Variants in ABCC10 observed in about 807,000 individuals in gnomAD.
ABCC10 encodes the protein ATP binding cassette subfamily C member 10.
ABCC10 carries 110 observed loss-of-function variants against 143.2 expected under a neutral mutation model. The ratio of observed to expected loss-of-function variants is 0.77; its 90% CI spans 0.66 to 0.90. The LOEUF (loss-of-function observed/expected upper bound fraction) is 0.90. Among genes scored for constraint, ABCC10 ranks in the 40% least tolerant of loss-of-function variants. ABCC10 has a pLI of 0.00. For missense variants in ABCC10, 1,700 were observed against 1,900.5 expected, an observed-to-expected ratio of 0.89 and a Z score of 1.96; for synonymous variants, 805 against 846.7, an observed-to-expected ratio of 0.95 and a Z score of 0.85.
At chr6:43,439,225 G>A (rs567574720) in intron 8 of ABCC10, among the ~76,000 whole-genome samples, 92 of 152,166 alleles carry the variant, frequency 6.0e-4, no homozygotes, top group African/African-American at 2.2e-3. Context: ...TATAGGAGAA[G>A]AGATTCCAGA....
chr6:43,442,052 C>A, intron 9 of ABCC10, 92 bp downstream of exon 9: 1 of 1,103,642 alleles, frequency 9.1e-7, no homozygotes, highest in Non-Finnish European at 1.3e-6. Flanking sequence ...GGAATATTTT[C>A]CTTAGCATCT....
At chr6:43,431,463 C>T (rs1446238432) in intron 2 of ABCC10, among the ~76,000 whole-genome samples, 1 of 152,282 alleles carries the variant, frequency 6.6e-6, no homozygotes, top group Non-Finnish European at 1.5e-5. Context: ...CAGATTCAAG[C>T]GATTCTCCTG....
At position 43,434,602 on chromosome 6, in the gene ABCC10, C is replaced by T. The variant is rs1221744247; in HGVS notation, c.1381-19C>T. On this transcript the variant is annotated intron_variant, in intron 3 of 21. Coordinates refer to ENST00000372530, the MANE Select transcript of ABCC10 (RefSeq NM_001198934.2). Reference sequence around the variant, plus strand: ...GCAGTGCCTCCACTTCACGCCTCTCCCTTGTCTCCTTTCCCTAGCTTGTGA... The same window carrying T: ...GCAGTGCCTCCACTTCACGCCTCTCTCTTGTCTCCTTTCCCTAGCTTGTGA... The T allele has an allele frequency of 5.0e-6, 8 of 1,607,320 alleles. No homozygotes were observed. In the Admixed American group the frequency reaches 1.0e-4, roughly 20 times the overall value.
Position 43,447,345 on chromosome 6 carries a change from C to T in ABCC10, c.3642C>T (p.Ser1214=), listed in dbSNP as rs867183930. The change falls in exon 17 of 22, where the codon AGC becomes AGT. Residue 1214 remains serine, a synonymous_variant. Transcript: ENST00000372530. The part of the protein sequence containing the change: ...SFTQTEAMLV[S]VERLEEYTCD... Reference sequence around the variant, plus strand: ...CACAGACAGAGGCCATGCTGGTGAGCGTCGAGCGGCTGGAAGAGTACACCT... The same window carrying T: ...CACAGACAGAGGCCATGCTGGTGAGTGTCGAGCGGCTGGAAGAGTACACCT... 3 of 1,613,362 alleles carry T rather than the reference C, an allele frequency of 1.9e-6. No individual in the cohort carries two copies. The highest frequency in any genetic ancestry group is 2.2e-5 in the East Asian group (1 of 44,874).
chr6:43,443,801 T>C lies in ABCC10; in HGVS notation c.2417-132T>C. ...AGGCCTAAGAGTCCTGCTCGAGGTC[T>C]AGGGGTATCCTGCTAGGGTGGGTTA... On this transcript the variant is annotated intron_variant, in intron 10 of 21. Transcript: ENST00000372530. This position sits in a 1 kb window ranked among gnomAD's most constrained non-coding sequence, Gnocchi z 4.2. The C allele has an allele frequency of 1.1e-6, 1 of 913,010 alleles. No homozygotes were observed. The highest frequency in any genetic ancestry group is 1.8e-6 in the Non-Finnish European group (1 of 559,318). 56.6% of individuals were successfully genotyped at this position (913,010 alleles called of 1,614,324 possible).
chr6:43,437,811 AAAGAAAG>A (rs1456739114), intron 6 of ABCC10, 116 bp from the exon 7 acceptor site: 1 of 915,490 alleles, frequency 1.1e-6, no homozygotes, highest in African/African-American at 1.7e-5. Flanking sequence ...CCTACACACT[AAAGAAAG>A]AAGAAAAGAG....
In ABCC10 at chr6:43,428,085, C is replaced by G. The variant is rs1357094409; in HGVS notation, c.107C>G (p.Ala36Gly). ...TGCTTCACCCAGCTGGTGCTCAGCG[C>G]CCTGCCCCACGCGCTCCTCGCCGTG... ...GHCFTQLVLS[A>G]LPHALLAVLS... is the part of the protein sequence containing the mutation. The change falls in exon 2 of 22, where the codon GCC becomes GGC. Residue 36 changes from alanine (A) to glycine (G), a missense_variant. By Grantham distance (60) the Ala-to-Gly change is moderately conservative. Transcript: ENST00000372530. 1.0e-5 allele frequency: 16 copies of G among 1,564,404 alleles called. No homozygotes were observed. In the South Asian group the frequency reaches 1.8e-4, roughly 17 times the overall value.
chr6:43,441,997 G>T (rs775320890), intron 9 of ABCC10, 37 bp downstream of exon 9: 5 of 1,577,572 alleles, frequency 3.2e-6, no homozygotes, highest in South Asian at 1.1e-5. Flanking sequence ...GCAGGGAGGT[G>T]GGGGGAGTCC....
chr6:43,448,075 G>A (rs769889708), intron 18 of ABCC10, 138 bp downstream of exon 18: 1 of 1,378,506 alleles, frequency 7.3e-7, no homozygotes, highest in Non-Finnish European at 1.0e-6. Context: ...GACAGGATGA[G>A]CAGGCAAGGA....
chr6:43,440,686 A>AC (rs1782302126), intron 8 of ABCC10, among the ~76,000 whole-genome samples: 1 of 151,644 alleles, frequency 6.6e-6, no homozygotes, highest in Non-Finnish European at 1.5e-5. Flanking sequence ...ACATGGTGAA[A>AC]CCCCATCTCT....
At chr6:43,450,743 G>A, downstream of ABCC10, 1 of 1,614,184 alleles carries the variant, frequency 6.2e-7, no homozygotes, top group Non-Finnish European at 8.5e-7. This position sits in a 1 kb window ranked among gnomAD's most constrained non-coding sequence, Gnocchi z 4.5. Flanking sequence ...GGGCAGCAGT[G>A]AGGGCCCCAA....
rs376117958 is a variant in ABCC10 at position 43,444,971 on chromosome 6, C to T, written c.2840+33C>T. The T allele has an allele frequency of 1.3e-4, 215 of 1,592,766 alleles. No individual in the cohort carries two copies. The African/African-American group carries it at 2.3e-3, about 17-fold the overall frequency. On this transcript the variant is annotated intron_variant, in intron 13 of 21. Coordinates refer to ENST00000372530, the MANE Select transcript of ABCC10 (RefSeq NM_001198934.2). ...GCTGGGGCTGGGGGTAGGCCTGGTG[C>T]TCTCAGAGTGGTCGCCAGGCAGGGA...
rs936280474 is a variant in ABCC10, at chr6:43,443,739, G to T, written c.2417-194G>T. ...AGGATGGACTTGAGTCCTGCTCGAG[G>T]TCTAGGGGTATCCAGAGCAGGGTGG... On this transcript the variant is annotated intron_variant, in intron 10 of 21. Coordinates refer to ENST00000372530, the MANE Select transcript of ABCC10 (RefSeq NM_001198934.2). The surrounding 1 kb of genome is among the most constrained non-coding windows in gnomAD (Gnocchi z 4.2). 4 of 593,594 alleles carry T rather than the reference G, an allele frequency of 6.7e-6. No homozygotes were observed. The highest frequency in any genetic ancestry group is 9.1e-6 in the Non-Finnish European group (3 of 330,376). 36.8% of individuals were successfully genotyped at this position (593,594 alleles called of 1,614,324 possible). A position where few individuals can be genotyped will look rare whatever the true frequency, so the allele number is the denominator to read the frequency against.
Position 43,436,258 on chromosome 6 carries a change from CAG to C in ABCC10, c.1875+13_1875+14del. The C allele has an allele frequency of 1.2e-6, 2 of 1,612,954 alleles. No homozygotes were observed. The highest frequency in any genetic ancestry group is 2.2e-5 in the South Asian group (2 of 91,008). ...CTCGAAGTGAAAAAGGTTTGTTGGACAGACACCCTGGGAGAGTCCTCAGACTA... is the reference window on the plus strand; with the variant it reads ...CTCGAAGTGAAAAAGGTTTGTTGGACACACCCTGGGAGAGTCCTCAGACTA... On this transcript the variant is annotated intron_variant, in intron 6 of 21. Coordinates refer to ENST00000372530, the MANE Select transcript of ABCC10 (RefSeq NM_001198934.2).
At chr6:43,449,275 G>T (rs1260163493) in intron 20 of ABCC10, 71 bp downstream of exon 20, 7 of 1,564,640 alleles carry the variant, frequency 4.5e-6, no homozygotes, top group Non-Finnish European at 5.2e-6. Flanking sequence ...GGGAGGTAGA[G>T]TGGGGAGAGG....
At chr6:43,451,840 ACT>A, downstream of ABCC10, 5 of 1,507,714 alleles carry the variant, frequency 3.3e-6, no homozygotes, top group South Asian at 1.3e-5. The surrounding 1 kb of genome is among the most constrained non-coding windows in gnomAD (Gnocchi z 4.4). Flanking sequence ...TGTGGGTCTG[ACT>A]CTCAGTCCCC....
Position 43,428,095 on chromosome 6 carries a change from C to G in ABCC10, c.117C>G (p.His39Gln). ...FTQLVLSALP[H>Q]ALLAVLSACY... ...AGCTGGTGCTCAGCGCCCTGCCCCA[C>G]GCGCTCCTCGCCGTGCTCAGTGCCT... The change falls in exon 2 of 22, where the codon CAC becomes CAG. Residue 39 changes from histidine to glutamine, a missense_variant. Coordinates refer to ENST00000372530, the MANE Select transcript of ABCC10 (RefSeq NM_001198934.2). The G allele has an allele frequency of 1.9e-6, 3 of 1,555,842 alleles. No homozygotes were observed. The highest frequency in any genetic ancestry group is 2.6e-6 in the Non-Finnish European group (3 of 1,151,910).
In ABCC10 at chr6:43,438,723, C is replaced by T. The variant is rs1581738647; in HGVS notation, c.2055C>T (p.Leu685=). The change falls in exon 8 of 22, where the codon CTC becomes CTT. Residue 685 remains leucine (L), a synonymous_variant. Coordinates refer to ENST00000372530, the MANE Select transcript of ABCC10 (RefSeq NM_001198934.2). ...TTGCCACCATCCGAGACAACATCCTCTTTGGGAAGACATTTGATGCACAGC... is the reference window on the plus strand; with the variant it reads ...TTGCCACCATCCGAGACAACATCCTTTTTGGGAAGACATTTGATGCACAGC... The part of the protein sequence containing the change: ...IQFATIRDNI[L]FGKTFDAQLY... 1.9e-6 allele frequency: 3 copies of T among 1,614,256 alleles called. No individual in the cohort carries two copies. Among genetic ancestry groups the T allele is most frequent in the African/African-American group, 2.7e-5 (2 of 75,074 alleles).
chr6:43,446,640 G>A (rs1157884694), intron 16 of ABCC10, 194 bp downstream of exon 16: 3 of 985,192 alleles, frequency 3.0e-6, no homozygotes, highest in Admixed American at 6.2e-5. Flanking sequence ...CCCAGGTGGT[G>A]GTGGCTTGGG....
Sources: gnomAD v4.1 joint callset for allele counts (sites outside exome capture counted in the v4.1 genomes callset) on GRCh38, gnomAD v4.1.1 for gene constraint, Gnocchi (gnomAD v3.1) non-coding constraint, MANE v1.5 for transcripts, NCBI Gene and HGNC (gene_info 2026-07-23, HGNC 2026-07-21) for gene names.